HDAC9: variants seen among roughly 807,000 people sequenced by gnomAD.
The protein encoded by HDAC9 is histone deacetylase 9, also known as MEF-2 interacting transcription repressor (MITR) protein.
A neutral mutation model predicts 139.4 loss-of-function variants in HDAC9; 41 were observed. The observed-to-expected ratio is 0.29, with a 90% CI of 0.23 to 0.38. The LOEUF (loss-of-function observed/expected upper bound fraction) is 0.38, where lower values mean the gene tolerates loss of function less well. Among genes scored for constraint, HDAC9 ranks in the 10% least tolerant of loss-of-function variants. The probability of loss-of-function intolerance (pLI) is 1.00; values close to 1 mark genes in which losing one functional copy is unlikely to be tolerated. For missense variants in HDAC9, 1,147 were observed against 1,297.0 expected, an observed-to-expected ratio of 0.88 and a Z score of 1.78; for synonymous variants, 517 against 476.2, an observed-to-expected ratio of 1.09 and a Z score of -1.12.
chr7:18,457,304 A>G (rs372122848), intron 1 of HDAC9, among the ~76,000 whole-genome samples: 22 of 152,252 alleles, frequency 1.4e-4, no homozygotes, highest in African/African-American at 5.3e-4. Flanking sequence ...ATACTGCCTT[A>G]CTCTTTTAAT....
intron 2 of HDAC9, among the ~76,000 whole-genome samples, chr7:18,201,457 C>A (rs1396883411): frequency 6.6e-6 from 1 of 152,164 alleles, no homozygotes; most frequent in African/African-American, 2.4e-5. Flanking sequence ...CTTCTTATGC[C>A]TTTAACAGTC....
At chr7:18,230,543 G>A (rs568989836) in intron 2 of HDAC9, among the ~76,000 whole-genome samples, 144 of 152,262 alleles carry the variant, frequency 9.5e-4, no homozygotes, top group African/African-American at 3.2e-3. Flanking sequence ...GACCTATTAC[G>A]TTCCTGTAAT....
intron 2 of HDAC9, among the ~76,000 whole-genome samples, chr7:18,236,187 A>C (rs1793802091): frequency 6.6e-6 from 1 of 152,200 alleles, no homozygotes; most frequent in Non-Finnish European, 1.5e-5. Context: ...ATGATCCCTG[A>C]GACCTCCTGC....
At chr7:18,673,175 G>A (rs1185178967) in intron 12 of HDAC9, among the ~76,000 whole-genome samples, 3 of 151,972 alleles carry the variant, frequency 2.0e-5, no homozygotes. Context: ...AGATACCTGG[G>A]AGGTTAGGGC....
chr7:18,577,022 C>T (rs1414293242), intron 2 of HDAC9, among the ~76,000 whole-genome samples: 1 of 152,226 alleles, frequency 6.6e-6, no homozygotes, highest in African/African-American at 2.4e-5. Context: ...ACTGTTCCTT[C>T]ATGCCTTTAT....
chr7:18,248,918 T>A (rs192005698), intron 2 of HDAC9, among the ~76,000 whole-genome samples: 71 of 152,330 alleles, frequency 4.7e-4, no homozygotes, highest in African/African-American at 1.6e-3. Context: ...CCTGCAACAA[T>A]TGAAAATAGA....
intron 21 of HDAC9, among the ~76,000 whole-genome samples, chr7:18,850,358 T>C (rs536172716): frequency 2.0e-5 from 3 of 152,288 alleles, no homozygotes; most frequent in Admixed American, 2.0e-4. Context: ...CACAGACCCT[T>C]GTACTTCTTG....
chr7:18,144,503 C>T (rs1365389556), intron 1 of HDAC9, among the ~76,000 whole-genome samples: 1 of 152,170 alleles, frequency 6.6e-6, no homozygotes, highest in Non-Finnish European at 1.5e-5. Flanking sequence ...TTCAGTCTCC[C>T]TTTCTCTCTT....
At chr7:18,121,430 C>T (rs192674656) in intron 1 of HDAC9, among the ~76,000 whole-genome samples, 53 of 151,760 alleles carry the variant, frequency 3.5e-4, no homozygotes, top group Non-Finnish European at 6.5e-4. Context: ...AGAGCAAAGG[C>T]ACCTCAGTAA....
rs193106296 is a variant in HDAC9, at chr7:18,252,243, G to T, written c.25+89894G>T. Among the ~76,000 whole-genome samples, 31 of 152,290 alleles carry T rather than the reference G, an allele frequency of 2.0e-4. No homozygotes were observed. The East Asian group carries it at 5.4e-3, about 27-fold the overall frequency. On this transcript the variant is annotated intron_variant, in intron 2 of 12. Coordinates refer to the HDAC9 transcript ENST00000417496. ...TTTGCAGTGATCCTCAAGTCCTGAAGTGGGGCAGGAGTCAATGTGGCCACT... is the reference window on the plus strand; with the variant it reads ...TTTGCAGTGATCCTCAAGTCCTGAATTGGGGCAGGAGTCAATGTGGCCACT...
At chr7:18,533,975 A>G (rs1809945657) in intron 2 of HDAC9, among the ~76,000 whole-genome samples, 1 of 152,096 alleles carries the variant, frequency 6.6e-6, no homozygotes, top group South Asian at 2.1e-4. Context: ...CTTTATTTTA[A>G]TGTAGTAGGT....
intron 21 of HDAC9, 31 bp from the exon 22 acceptor site, chr7:18,874,447 A>T (rs1799169025): frequency 7.1e-7 from 1 of 1,411,742 alleles, no homozygotes; most frequent in South Asian, 1.2e-5. Context: ...CACCAGTCCC[A>T]CGTGTGACCG....
intron 1 of HDAC9, among the ~76,000 whole-genome samples, chr7:18,490,651 T>C (rs1030668820): frequency 7.2e-5 from 11 of 151,974 alleles, no homozygotes; most frequent in Non-Finnish European, 1.3e-4. Context: ...CTCTAAGAAA[T>C]AGAAAATTCA....
At chr7:18,116,232 A>C (rs977718262) in intron 1 of HDAC9, among the ~76,000 whole-genome samples, 4 of 152,212 alleles carry the variant, frequency 2.6e-5, no homozygotes, top group Non-Finnish European at 4.4e-5. Flanking sequence ...ATTTTTGAGA[A>C]TAAGAAATAA....
At chr7:18,819,329 G>T (rs1055334086) in intron 17 of HDAC9, among the ~76,000 whole-genome samples, 3 of 152,074 alleles carry the variant, frequency 2.0e-5, no homozygotes, top group Non-Finnish European at 4.4e-5. Flanking sequence ...AAAAATAAAT[G>T]TTTAAATTGG....
intron 1 of HDAC9, among the ~76,000 whole-genome samples, chr7:18,103,531 A>G (rs911290632): frequency 6.6e-6 from 1 of 152,120 alleles, no homozygotes; most frequent in Non-Finnish European, 1.5e-5. Flanking sequence ...TATTGTTCAT[A>G]GATGATGACT....
chr7:18,581,811 C>G lies in HDAC9; in HGVS notation c.23-3470C>G, dbSNP rs769388152. Among the ~76,000 whole-genome samples the G allele has an allele frequency of 7.2e-4, 110 of 152,284 alleles. 1 individual carries two copies. Among genetic ancestry groups the G allele is most frequent in the Admixed American group, 3.6e-3 (55 of 15,302 alleles). The stretch of plus-strand genomic sequence containing the variant: ...ACATTGGGTGCTACAATTAAGAGAT[C>G]TTACAGGCCATCATTCTAATTTGCA... On this transcript the variant is annotated intron_variant, in intron 2 of 25. Coordinates refer to ENST00000686413, the MANE Select transcript of HDAC9 (RefSeq NM_178425.4).
intron 21 of HDAC9, among the ~76,000 whole-genome samples, chr7:18,846,541 A>C (rs528250083): frequency 1.3e-5 from 2 of 152,362 alleles, no homozygotes; most frequent in East Asian, 3.9e-4. Context: ...ATTACATCAG[A>C]AACAGTATAC....
intron 25 of HDAC9, among the ~76,000 whole-genome samples, chr7:18,986,717 C>T (rs1209720254): frequency 2.6e-5 from 4 of 152,142 alleles, no homozygotes; most frequent in African/African-American, 4.8e-5. Context: ...GGAATATTCT[C>T]CCATTTGTTT....
Sources: allele counts gnomAD v4.1 joint callset (sites outside exome capture counted in the v4.1 genomes callset), GRCh38; gene constraint gnomAD v4.1.1; transcripts MANE v1.5; gene names NCBI Gene and HGNC (gene_info 2026-07-23, HGNC 2026-07-21).